The following DACH1 variants were observed in gnomAD, a reference collection of about 807,000 sequenced individuals.
DACH1 encodes dachshund homolog 1.
In DACH1, 12 loss-of-function variants were observed where a neutral mutation model predicts 54.2. The ratio of observed to expected loss-of-function variants is 0.22; its 90% CI spans 0.14 to 0.36. The LOEUF is 0.36. DACH1 is among the 10% of genes least tolerant of loss of function. The pLI is 1.00. For missense variants in DACH1, 805 were observed against 929.8 expected (o/e 0.87, Z 1.75); for synonymous variants, 386 against 366.2 (o/e 1.05, Z -0.62).
At chr13:71,788,897 T>C (rs1259581387) in intron 1 of DACH1, among the ~76,000 whole-genome samples, 1 of 152,202 alleles carries the variant, frequency 6.6e-6, no homozygotes, top group Non-Finnish European at 1.5e-5. Context: ...ATCTCAGATA[T>C]ACTTTCATTC....
intron 6 of DACH1, among the ~76,000 whole-genome samples, chr13:71,501,792 A>T (rs572351093): frequency 7.9e-5 from 12 of 152,336 alleles, no homozygotes; most frequent in Admixed American, 7.9e-4. Flanking sequence ...ACTAGCACAC[A>T]GAGAGTGCTT....
chr13:71,783,208 T>C (rs1886456151), intron 1 of DACH1, among the ~76,000 whole-genome samples: 1 of 152,128 alleles, frequency 6.6e-6, no homozygotes, highest in South Asian at 2.1e-4. Flanking sequence ...AACCTAAAGA[T>C]AGCTGTATTA....
At chr13:71,540,844 T>C (rs1883083491) in intron 6 of DACH1, among the ~76,000 whole-genome samples, 1 of 151,942 alleles carries the variant, frequency 6.6e-6, no homozygotes, top group Admixed American at 6.6e-5. Flanking sequence ...TAAATTAAAA[T>C]GGAAAGAAAT....
chr13:71,539,972 C>G (rs1415734075), intron 6 of DACH1, among the ~76,000 whole-genome samples: 3 of 151,686 alleles, frequency 2.0e-5, no homozygotes, highest in Non-Finnish European at 4.4e-5. Context: ...TTAATTGCAT[C>G]AAAAATATGG....
At chr13:71,643,734 T>C (rs979576593) in intron 2 of DACH1, among the ~76,000 whole-genome samples, 3 of 152,178 alleles carry the variant, frequency 2.0e-5, no homozygotes, top group Admixed American at 1.3e-4. Context: ...TAAACTTTCA[T>C]TGAAGGTTTC....
At chr13:71,858,142 C>T (rs558418708) in intron 1 of DACH1, among the ~76,000 whole-genome samples, 53 of 151,778 alleles carry the variant, frequency 3.5e-4, no homozygotes, top group Middle Eastern at 3.4e-3. Flanking sequence ...ATATTTACTG[C>T]AAATGCTTCT....
intron 1 of DACH1, among the ~76,000 whole-genome samples, chr13:71,847,491 A>G (rs1873359904): frequency 6.6e-6 from 1 of 152,220 alleles, no homozygotes; most frequent in South Asian, 2.1e-4. Flanking sequence ...TAGTTACCAG[A>G]AACTGAATTC....
chr13:71,459,351 A>AT (rs1808449331), intron 10 of DACH1, among the ~76,000 whole-genome samples: 1 of 151,884 alleles, frequency 6.6e-6, no homozygotes, highest in African/African-American at 2.4e-5. Context: ...GTTCATCCAT[A>AT]TTTTTTCCAT....
intron 2 of DACH1, among the ~76,000 whole-genome samples, chr13:71,660,036 C>A (rs1172880275): frequency 2.0e-5 from 3 of 152,200 alleles, no homozygotes; most frequent in East Asian, 3.9e-4. Context: ...TTTGGTCAAC[C>A]ATGACTGAAA....
intron 2 of DACH1, among the ~76,000 whole-genome samples, chr13:71,633,600 T>C (rs1566393971): frequency 7.1e-6 from 1 of 140,532 alleles, no homozygotes; most frequent in Non-Finnish European, 1.5e-5. Context: ...TGTGTGTCAC[T>C]GACACACACA....
At chr13:71,589,493 T>A (rs1176339834) in intron 3 of DACH1, among the ~76,000 whole-genome samples, 1 of 151,976 alleles carries the variant, frequency 6.6e-6, no homozygotes, top group Non-Finnish European at 1.5e-5. Context: ...ACATAGTAAA[T>A]AAATGATGAT....
chr13:71,486,294 A>T (rs1457541754), intron 7 of DACH1, among the ~76,000 whole-genome samples: 1 of 152,132 alleles, frequency 6.6e-6, no homozygotes, highest in Non-Finnish European at 1.5e-5. Flanking sequence ...TTACTACACA[A>T]AAAGTATGTA....
intron 2 of DACH1, among the ~76,000 whole-genome samples, chr13:71,681,338 A>C (rs1880884516): frequency 1.3e-5 from 2 of 152,170 alleles, no homozygotes; most frequent in African/African-American, 4.8e-5. Context: ...GTTTGTGAAA[A>C]ATTACGAGAC....
intron 1 of DACH1, among the ~76,000 whole-genome samples, chr13:71,839,534 G>T (rs1888935442): frequency 6.6e-6 from 1 of 152,156 alleles, no homozygotes; most frequent in Admixed American, 6.6e-5. Context: ...GTGAACTCAG[G>T]AGGTGGAGCT....
intron 3 of DACH1, among the ~76,000 whole-genome samples, chr13:71,615,271 T>A (rs1054451877): frequency 6.6e-6 from 1 of 152,166 alleles, no homozygotes; most frequent in Admixed American, 6.5e-5. Context: ...TTTAAACCAT[T>A]TTTAGGCGTT....
At chr13:71,764,316 C>T (rs969446883) in intron 1 of DACH1, among the ~76,000 whole-genome samples, 31 of 152,216 alleles carry the variant, frequency 2.0e-4, no homozygotes, top group African/African-American at 7.2e-4. Context: ...ACGAGGATTA[C>T]TTCAGGAATT....
rs185897722 is a variant in DACH1, at chr13:71,549,323, A to T, written c.1570+7701T>A. Among the ~76,000 whole-genome samples the T allele has an allele frequency of 3.9e-3, 596 of 152,286 alleles. 4 individuals are homozygous for T. The highest frequency in any genetic ancestry group is 6.6e-3 in the Non-Finnish European group (452 of 68,008). On this transcript the variant is annotated intron_variant, in intron 6 of 10. Coordinates refer to ENST00000613252, the MANE Select transcript of DACH1 (RefSeq NM_080759.6). The stretch of plus-strand genomic sequence containing the variant: ...TATTATCTATTTGCACAACTATATA[A>T]AAACAATCTCTTAAACAGTGAGGAA...
intron 1 of DACH1, among the ~76,000 whole-genome samples, chr13:71,760,446 GGGGGA>G (rs1399195230): frequency 6.6e-6 from 1 of 152,124 alleles, no homozygotes; most frequent in Non-Finnish European, 1.5e-5. Flanking sequence ...ATTCAAACAA[GGGGGA>G]CCTATTACAC....
chr13:71,549,317 T>G (rs1013973789), intron 6 of DACH1, among the ~76,000 whole-genome samples: 1 of 152,132 alleles, frequency 6.6e-6, no homozygotes, highest in African/African-American at 2.4e-5. Context: ...TTTGCACAAC[T>G]ATATAAAAAC....
Sources: allele counts gnomAD v4.1 joint callset (sites outside exome capture counted in the v4.1 genomes callset), GRCh38; gene constraint gnomAD v4.1.1; transcripts MANE v1.5; gene names NCBI Gene and HGNC (gene_info 2026-07-23, HGNC 2026-07-21).